The following BCAS3 variants were observed in gnomAD, a reference collection of about 807,000 sequenced individuals.
BCAS3 encodes BCAS3 microtubule associated cell migration factor, also known as BCAS4/BCAS3 fusion.
A neutral mutation model predicts 116.1 loss-of-function variants in BCAS3; 53 were observed. The observed-to-expected ratio is 0.46, with a 90% CI of 0.37 to 0.57. The LOEUF is 0.57. Among genes scored for constraint, BCAS3 ranks in the 20% least tolerant of loss-of-function variants. The pLI is 0.00. For synonymous variants in BCAS3, 391 were observed against 408.2 expected, an observed-to-expected ratio of 0.96 and a Z score of 0.51; for missense variants, 917 against 1,165.4, an observed-to-expected ratio of 0.79 and a Z score of 3.10.
intron 6 of BCAS3, among the ~76,000 whole-genome samples, chr17:60,796,858 C>A (rs768084543): frequency 1.3e-5 from 2 of 152,120 alleles, no homozygotes. Context: ...GGGCTGTGAA[C>A]TTTCCTCTTA....
At chr17:60,966,359 GC>G (rs955822818) in intron 14 of BCAS3, among the ~76,000 whole-genome samples, 4 of 152,260 alleles carry the variant, frequency 2.6e-5, no homozygotes, top group African/African-American at 9.6e-5. Context: ...AGATACTACT[GC>G]CATTCTTTTG....
intron 19 of BCAS3, among the ~76,000 whole-genome samples, chr17:61,043,336 C>T (rs1259786084): frequency 1.3e-5 from 2 of 151,966 alleles, no homozygotes; most frequent in African/African-American, 4.8e-5. Context: ...TCACTGCACT[C>T]CAGCCTGGGT....
At chr17:61,103,922 CTT>C (rs1451211837) in intron 22 of BCAS3, among the ~76,000 whole-genome samples, 1 of 152,120 alleles carries the variant, frequency 6.6e-6, no homozygotes, top group Non-Finnish European at 1.5e-5. Context: ...CTGGGTGAGA[CTT>C]TTCATTGGGA....
At chr17:61,044,187 C>T (rs1369778092) in intron 19 of BCAS3, among the ~76,000 whole-genome samples, 3 of 151,746 alleles carry the variant, frequency 2.0e-5, no homozygotes, top group Non-Finnish European at 4.4e-5. Context: ...GTGGCTCAGG[C>T]CTGTAATCCC....
At chr17:60,952,673 A>T (rs1247924078) in intron 14 of BCAS3, among the ~76,000 whole-genome samples, 1 of 152,072 alleles carries the variant, frequency 6.6e-6, no homozygotes, top group Non-Finnish European at 1.5e-5. Context: ...ATGTAGGTAT[A>T]TTCATGTCAT....
At chr17:60,729,547 G>A (rs769286464) in intron 5 of BCAS3, among the ~76,000 whole-genome samples, 2 of 151,736 alleles carry the variant, frequency 1.3e-5, no homozygotes, top group Non-Finnish European at 2.9e-5. Flanking sequence ...AAATCATCTT[G>A]TTAATCTTAC....
At position 61,131,556 on chromosome 17, in the gene BCAS3, C is replaced by T. The variant is rs189430513; in HGVS notation, c.2425+46992C>T. 2.4e-4 allele frequency among the ~76,000 whole-genome samples: 36 copies of T among 152,228 alleles called. No individual in the cohort carries two copies. Among genetic ancestry groups the T allele is most frequent in the African/African-American group, 8.7e-4 (36 of 41,520 alleles). On this transcript the variant is annotated intron_variant, in intron 22 of 23. Coordinates refer to ENST00000407086, the MANE Select transcript of BCAS3 (RefSeq NM_017679.5). This position sits in a 1 kb window ranked among gnomAD's most constrained non-coding sequence, Gnocchi z 4.4. ...TTGCATTTGAGATTTTAAAATAAAGCCTAAACATCGGTCCCTTCCTTCTTC... is the reference window on the plus strand; with the variant it reads ...TTGCATTTGAGATTTTAAAATAAAGTCTAAACATCGGTCCCTTCCTTCTTC...
At chr17:61,242,888 T>A (rs1024640745) in intron 22 of BCAS3, among the ~76,000 whole-genome samples, 2 of 151,394 alleles carry the variant, frequency 1.3e-5, no homozygotes, top group African/African-American at 2.4e-5. Flanking sequence ...GAGATATGAT[T>A]GACATACAAA....
intron 22 of BCAS3, among the ~76,000 whole-genome samples, chr17:61,287,118 G>A (rs1214351318): frequency 6.6e-6 from 1 of 151,818 alleles, no homozygotes; most frequent in Non-Finnish European, 1.5e-5. Context: ...CGTGGTGGCG[G>A]GCACCTGTAG....
Position 61,042,896 on chromosome 17 carries a change from A to G in BCAS3, c.2029+2004A>G, listed in dbSNP as rs2143051974. Reference sequence around the variant, plus strand: ...CAGAGCAAGACTCCATCTCACAAAAAAAAAAAAAAAAAAAAAAAAGAAAGA... The same window carrying G: ...CAGAGCAAGACTCCATCTCACAAAAGAAAAAAAAAAAAAAAAAAAGAAAGA... On this transcript the variant is annotated intron_variant, in intron 19 of 23. Transcript: ENST00000407086. Among the ~76,000 whole-genome samples, 4 of 140,710 alleles carry G rather than the reference A, an allele frequency of 2.8e-5. No individual in the cohort carries two copies. In the South Asian group the frequency reaches 8.4e-4, roughly 30 times the overall value. The allele number at this position is 140,710 out of a possible 152,430, so 92.3% of individuals were successfully genotyped here. A position where few individuals can be genotyped will look rare whatever the true frequency, so the allele number is the denominator to read the frequency against.
At chr17:61,353,110 G>A (rs1303475474) in intron 22 of BCAS3, among the ~76,000 whole-genome samples, 1 of 152,128 alleles carries the variant, frequency 6.6e-6, no homozygotes, top group Non-Finnish European at 1.5e-5. Flanking sequence ...GATGTAACAG[G>A]CCCAAGACCG....
Position 61,041,586 on chromosome 17 carries a change from C to T in BCAS3, c.2029+694C>T, listed in dbSNP as rs1477296504. Among the ~76,000 whole-genome samples, 6 of 152,080 alleles carry T rather than the reference C, an allele frequency of 3.9e-5. No homozygotes were observed. The highest frequency in any genetic ancestry group is 1.9e-4 in the East Asian group (1 of 5,190). ...TAATTTGATGGCTCTGAGTAGTGCA[C>T]GCTTTAAAGAAAATTCTTAAAAATC... On this transcript the variant is annotated intron_variant, in intron 19 of 23. Transcript: ENST00000407086. The surrounding 1 kb of genome is among the most constrained non-coding windows in gnomAD (Gnocchi z 4.7).
intron 14 of BCAS3, among the ~76,000 whole-genome samples, chr17:60,988,360 T>TTTTTTTTTTTTTG (rs1555651709): frequency 2.5e-4 from 34 of 134,862 alleles, no homozygotes; most frequent in African/African-American, 1.0e-3. Flanking sequence ...TTTTTTTTTT[T>TTTTTTTTTTTTTG]ATGTATGTGT....
chr17:60,871,119 G>A (rs2055061142), intron 8 of BCAS3, among the ~76,000 whole-genome samples: 1 of 152,150 alleles, frequency 6.6e-6, no homozygotes, highest in Admixed American at 6.6e-5. Context: ...TTTAATGACT[G>A]TAGGTTATCT....
chr17:61,056,052 A>G lies in BCAS3; in HGVS notation c.2029+15160A>G, dbSNP rs571178016. 1.3e-4 allele frequency among the ~76,000 whole-genome samples: 20 copies of G among 152,298 alleles called. 1 individual carries two copies. In the South Asian group the frequency reaches 4.1e-3, roughly 32 times the overall value. ...CCAAACTGGTAGTAACCAGGCTGGA[A>G]AAGGATTTGACCCTTCCTTGGTCAC... On this transcript the variant is annotated intron_variant, in intron 19 of 23. Transcript: ENST00000407086. This position sits in a 1 kb window ranked among gnomAD's most constrained non-coding sequence, Gnocchi z 4.9.
At chr17:61,089,564 G>T (rs376445800) in intron 22 of BCAS3, among the ~76,000 whole-genome samples, 1 of 109,564 alleles carries the variant, frequency 9.1e-6, no homozygotes, top group Non-Finnish European at 1.7e-5. Context: ...GAGTCTCGCT[G>T]TGTCACCCAG....
rs953043987 is a variant in BCAS3, at chr17:61,274,583, C to T, written c.2426-93744C>T. Among the ~76,000 whole-genome samples, 5 of 152,032 alleles carry T rather than the reference C, an allele frequency of 3.3e-5. No homozygotes were observed. The East Asian group carries it at 5.8e-4, about 18-fold the overall frequency. ...GGATTACAGGTGTGAGCCACTGTGC[C>T]GGCCTGAACATGTTTTTAATAGCTG... On this transcript the variant is annotated intron_variant, in intron 22 of 23. Transcript: ENST00000407086.
Position 61,343,645 on chromosome 17 carries a change from T to A in BCAS3, c.2426-24682T>A, listed in dbSNP as rs545031039. ...CAACTGGATGGCAAGGCAACAGACA[T>A]CCCACTGCCGTTCCTCTGCCACCTC... On this transcript the variant is annotated intron_variant, in intron 22 of 23. Transcript: ENST00000407086. The surrounding 1 kb of genome is among the most constrained non-coding windows in gnomAD (Gnocchi z 5.5). Among the ~76,000 whole-genome samples, 32 of 152,338 alleles carry A rather than the reference T, an allele frequency of 2.1e-4. No homozygotes were observed. In the South Asian group the frequency reaches 6.6e-3, roughly 32 times the overall value.
At chr17:60,842,604 C>T (rs2052052732) in intron 7 of BCAS3, among the ~76,000 whole-genome samples, 2 of 151,926 alleles carry the variant, frequency 1.3e-5, no homozygotes, top group Non-Finnish European at 2.9e-5. Flanking sequence ...TTCTGTGATT[C>T]TACATTGTGG....
Sources: gnomAD v4.1 joint callset for allele counts (sites outside exome capture counted in the v4.1 genomes callset) on GRCh38, gnomAD v4.1.1 for gene constraint, Gnocchi (gnomAD v3.1) non-coding constraint, MANE v1.5 for transcripts, NCBI Gene and HGNC (gene_info 2026-07-23, HGNC 2026-07-21) for gene names.